The following MPPED2 variants were observed in gnomAD, a reference collection of about 807,000 sequenced individuals.
MPPED2 encodes metallophosphoesterase domain containing 2.
A neutral mutation model predicts 33.0 loss-of-function variants in MPPED2; 5 were observed. The ratio of observed to expected loss-of-function variants is 0.15; its 90% CI spans 0.08 to 0.32. MPPED2 has a LOEUF of 0.32. Ranked by LOEUF, MPPED2 falls within the 10% of genes least tolerant of loss-of-function variation. The pLI, the probability that MPPED2 is intolerant of heterozygous loss-of-function variation, is 1.00. For synonymous variants in MPPED2, 136 were observed against 141.9 expected (o/e 0.96, Z 0.29); for missense variants, 275 against 372.1 (o/e 0.74, Z 2.15).
chr11:30,579,059 A>T (rs2134899144), intron 2 of MPPED2, among the ~76,000 whole-genome samples: 1 of 149,952 alleles, frequency 6.7e-6, no homozygotes, highest in South Asian at 2.1e-4. Flanking sequence ...TGCTTTGCAG[A>T]AATCTCATCA....
exon 7 of MPPED2, chr11:30,387,507 C>G (rs532228134): frequency 2.6e-5 from 4 of 152,374 alleles, no homozygotes; most frequent in African/African-American, 7.2e-5. Context: ...AGCCTCAGTG[C>G]TGCTGACCAC....
chr11:30,549,665 A>G (rs759709810), intron 2 of MPPED2, among the ~76,000 whole-genome samples: 11 of 152,110 alleles, frequency 7.2e-5, no homozygotes, highest in Non-Finnish European at 1.0e-4. Context: ...CTTCTCCTAA[A>G]AACAAAAACA....
chr11:30,511,529 G>C (rs990050684), intron 3 of MPPED2, among the ~76,000 whole-genome samples: 3 of 152,048 alleles, frequency 2.0e-5, no homozygotes, highest in African/African-American at 7.2e-5. Flanking sequence ...CTTTTTCAAC[G>C]AACAGTAAAG....
chr11:30,538,727 C>T (rs1007264736), intron 2 of MPPED2, among the ~76,000 whole-genome samples: 3 of 152,098 alleles, frequency 2.0e-5, no homozygotes, highest in South Asian at 2.1e-4. Context: ...AAAGAAGGCT[C>T]GCACATCTAC....
intron 4 of MPPED2, among the ~76,000 whole-genome samples, chr11:30,454,388 G>GAAT (rs1950190424): frequency 7.2e-5 from 11 of 152,078 alleles, no homozygotes. Flanking sequence ...ACACAGTGCT[G>GAAT]AATAGCAGGA....
intron 4 of MPPED2, among the ~76,000 whole-genome samples, chr11:30,438,327 TA>T (rs1035314427): frequency 9.2e-5 from 14 of 152,224 alleles, no homozygotes; most frequent in African/African-American, 3.4e-4. Context: ...ATTTGTCCTC[TA>T]GTTAATCCCT....
In MPPED2 at chr11:30,410,424, A is replaced by C; in HGVS notation, c.*1044T>G. 1 of 984,056 alleles carries C rather than the reference A, an allele frequency of 1.0e-6. No individual in the cohort carries two copies. The highest frequency in any genetic ancestry group is 1.2e-6 in the Non-Finnish European group (1 of 829,084). 61.0% of individuals were successfully genotyped at this position (984,056 alleles called of 1,614,324 possible). A position where few individuals can be genotyped will look rare whatever the true frequency, so the allele number is the denominator to read the frequency against. On this transcript the variant is annotated 3_prime_UTR_variant, in exon 7 of 7. Transcript: ENST00000358117. ...GTGCTAGCGAAGATTGCATCGACACACAGTGCAAAATGGGAGAGGGGAGAG... is the reference window on the plus strand; with the variant it reads ...GTGCTAGCGAAGATTGCATCGACACCCAGTGCAAAATGGGAGAGGGGAGAG...
intron 2 of MPPED2, among the ~76,000 whole-genome samples, chr11:30,568,859 T>G (rs2134790260): frequency 6.6e-6 from 1 of 152,326 alleles, no homozygotes; most frequent in South Asian, 2.1e-4. Flanking sequence ...GGGATCTCAC[T>G]GAGCCCATCT....
intron 4 of MPPED2, among the ~76,000 whole-genome samples, chr11:30,426,798 GAC>G (rs1948857516): frequency 6.6e-6 from 1 of 152,196 alleles, no homozygotes; most frequent in Non-Finnish European, 1.5e-5. Flanking sequence ...TCCAAATGCA[GAC>G]AGGCCCTGAG....
intron 6 of MPPED2, among the ~76,000 whole-genome samples, chr11:30,391,002 C>A (rs1318510732): frequency 6.6e-6 from 1 of 152,166 alleles, no homozygotes; most frequent in East Asian, 1.9e-4. Context: ...AGACTCTAGT[C>A]CCTGACAGGA....
chr11:30,487,160 G>C (rs1231515038), intron 4 of MPPED2, among the ~76,000 whole-genome samples: 1 of 152,152 alleles, frequency 6.6e-6, no homozygotes, highest in South Asian at 2.1e-4. Context: ...AGCAACTCTG[G>C]ATTAAAAGGA....
intron 4 of MPPED2, among the ~76,000 whole-genome samples, chr11:30,476,236 TA>T (rs1263991688): frequency 3.3e-5 from 5 of 152,042 alleles, no homozygotes; most frequent in Admixed American, 6.6e-5. Flanking sequence ...TTTGTAATGA[TA>T]TCTTTCAAAG....
At chr11:30,386,198 A>G (rs1947700739) in exon 7 of MPPED2, 1 of 152,300 alleles carries the variant, frequency 6.6e-6, no homozygotes. Context: ...CTGTGGAGCA[A>G]CCACTTGCTA....
At chr11:30,406,604 C>A (rs922622176), downstream of MPPED2, among the ~76,000 whole-genome samples, 11 of 152,132 alleles carry the variant, frequency 7.2e-5, no homozygotes, top group South Asian at 2.1e-4. Context: ...TGCTAGAAGG[C>A]CGACACATCC....
Position 30,494,784 on chromosome 11 carries a change from GAAGAA to G in MPPED2, c.536+507_536+511del, listed in dbSNP as rs550191411. 2.5e-3 allele frequency among the ~76,000 whole-genome samples: 307 copies of G among 123,218 alleles called. 1 individual carries two copies. Among genetic ancestry groups the G allele is most frequent in the Middle Eastern group, 0.012 (3 of 242 alleles). The allele number at this position is 123,218 out of a possible 152,430, so 80.8% of individuals were successfully genotyped here. A position where few individuals can be genotyped will look rare whatever the true frequency, so the allele number is the denominator to read the frequency against. On this transcript the variant is annotated intron_variant, in intron 4 of 6. Coordinates refer to ENST00000358117, the MANE Select transcript of MPPED2 (RefSeq NM_001584.3). ...AAGAAAGAAAGAAAGAAAGAAAAGAGAAGAAAAGAAAAGAAAATATTGGAAAAAGG... is the reference window on the plus strand; with the variant it reads ...AAGAAAGAAAGAAAGAAAGAAAAGAGAAGAAAAGAAAATATTGGAAAAAGG...
At chr11:30,560,859 G>T (rs1370050420) in intron 2 of MPPED2, among the ~76,000 whole-genome samples, 1 of 152,192 alleles carries the variant, frequency 6.6e-6, no homozygotes, top group Non-Finnish European at 1.5e-5. Flanking sequence ...CCCACCTGGT[G>T]TGGAAGAAAA....
intron 1 of MPPED2, among the ~76,000 whole-genome samples, chr11:30,583,274 A>C (rs1226324703): frequency 6.6e-6 from 1 of 151,764 alleles, no homozygotes; most frequent in Non-Finnish European, 1.5e-5. Context: ...ACAACTATCA[A>C]GAAGATGTAT....
intron 4 of MPPED2, among the ~76,000 whole-genome samples, chr11:30,467,349 A>G (rs1950751475): frequency 6.6e-6 from 1 of 152,044 alleles, no homozygotes; most frequent in Admixed American, 6.5e-5. Context: ...ATTCCTGGCA[A>G]GGGGGCAGGC....
At chr11:30,483,133 G>A (rs499243) in intron 4 of MPPED2, among the ~76,000 whole-genome samples, 149,109 of 152,322 alleles carry the variant, frequency 0.98, 73,039 homozygotes, top group Middle Eastern at 1. Context: ...ATTTAAAAGC[G>A]TAAAGGTCAG....
Sources: allele counts gnomAD v4.1 joint callset (sites outside exome capture counted in the v4.1 genomes callset), GRCh38; gene constraint gnomAD v4.1.1; transcripts MANE v1.5; gene names NCBI Gene and HGNC (gene_info 2026-07-23, HGNC 2026-07-21).